Variants in CAST observed in about 807,000 individuals in gnomAD.
The protein encoded by CAST is MIR583 host.
A neutral mutation model predicts 119.6 loss-of-function variants in CAST; 76 were observed. The ratio of observed to expected loss-of-function variants is 0.64; its 90% CI spans 0.53 to 0.77. The LOEUF (loss-of-function observed/expected upper bound fraction) is 0.77. Among genes scored for constraint, CAST ranks in the 30% least tolerant of loss-of-function variants. The pLI is 0.00. For synonymous variants in CAST, 319 were observed against 331.6 expected (o/e 0.96, Z 0.41); for missense variants, 953 against 946.5 (o/e 1.01, Z -0.09).
chr5:96,770,465 G>T (rs1771868306), intron 29 of CAST, 66 bp from the exon 30 acceptor site: 1 of 950,502 alleles, frequency 1.1e-6, no homozygotes, highest in South Asian at 1.3e-5. Context: ...TAATTTAACT[G>T]CAGCCTAGTT....
the CAST span, among the ~76,000 whole-genome samples, chr5:96,271,404 C>T: frequency 6.6e-6 from 1 of 152,074 alleles, no homozygotes; most frequent in African/African-American, 2.4e-5. Context: ...CAAACAGACA[C>T]ATAGACCAAT....
chr5:96,514,546 A>C, the CAST span, among the ~76,000 whole-genome samples: 64,253 of 151,954 alleles, frequency 0.42, 13,784 homozygotes, highest in Admixed American at 0.46. Flanking sequence ...TAGTTGATCA[A>C]AACTATACTC....
At chr5:96,293,176 G>T in the CAST span, among the ~76,000 whole-genome samples, 1 of 152,202 alleles carries the variant, frequency 6.6e-6, no homozygotes, top group South Asian at 2.1e-4. Context: ...GCCCTGAGGG[G>T]AGGTTAGGGT....
chr5:96,296,470 T>A, the CAST span, among the ~76,000 whole-genome samples: 1 of 152,218 alleles, frequency 6.6e-6, no homozygotes, highest in African/African-American at 2.4e-5. Context: ...ACTTTATGGT[T>A]GTTGTCATAT....
chr5:96,491,583 A>G, the CAST span, among the ~76,000 whole-genome samples: 2 of 152,032 alleles, frequency 1.3e-5, no homozygotes, highest in South Asian at 4.2e-4. Context: ...GTGGCAATGT[A>G]AATAGAAATG....
the CAST span, among the ~76,000 whole-genome samples, chr5:96,357,834 G>T: frequency 1.3e-5 from 2 of 152,188 alleles, no homozygotes; most frequent in African/African-American, 4.8e-5. Context: ...TCAGGATGAT[G>T]CTGGCCTCAT....
the CAST span, among the ~76,000 whole-genome samples, chr5:96,337,383 A>C: frequency 6.6e-6 from 1 of 152,224 alleles, no homozygotes; most frequent in Non-Finnish European, 1.5e-5. Context: ...CTAAAGAATT[A>C]TAGGTAAAAT....
At chr5:96,134,952 A>T in the CAST span, among the ~76,000 whole-genome samples, 1 of 152,360 alleles carries the variant, frequency 6.6e-6, no homozygotes, top group Non-Finnish European at 1.5e-5. Flanking sequence ...ATGGGAGCTG[A>T]CAAGGAAAGA....
chr5:96,367,342 C>A, the CAST span, among the ~76,000 whole-genome samples: 4 of 152,276 alleles, frequency 2.6e-5, no homozygotes, highest in Admixed American at 2.6e-4. Flanking sequence ...CCACTACTCT[C>A]TTCAAAGCTG....
intron 15 of CAST, chr5:96,742,287 G>GATAC: frequency 6.0e-6 from 1 of 167,644 alleles, no homozygotes; most frequent in East Asian, 1.7e-4. Context: ...CCTTTTTAGA[G>GATAC]ATACATTTTT....
chr5:96,110,118 A>G, the CAST span, among the ~76,000 whole-genome samples: 1 of 152,174 alleles, frequency 6.6e-6, no homozygotes, highest in African/African-American at 2.4e-5. Context: ...TCCATACATT[A>G]GAGAATGGGG....
the CAST span, among the ~76,000 whole-genome samples, chr5:96,256,236 A>G: frequency 6.7e-6 from 1 of 148,372 alleles, no homozygotes; most frequent in African/African-American, 2.4e-5. Flanking sequence ...TAAACATATA[A>G]TTTATACAGT....
At chr5:96,369,360 G>T in the CAST span, among the ~76,000 whole-genome samples, 1 of 151,882 alleles carries the variant, frequency 6.6e-6, no homozygotes, top group African/African-American at 2.4e-5. Flanking sequence ...TGAAATCTTT[G>T]TTTCTTCTAA....
At chr5:96,412,622 G>A in the CAST span, 2 of 806,854 alleles carry the variant, frequency 2.5e-6, no homozygotes, top group East Asian at 2.7e-5. Flanking sequence ...CTAGATAGAT[G>A]TCCCCAATTT....
the CAST span, among the ~76,000 whole-genome samples, chr5:96,359,767 T>G: frequency 6.6e-6 from 1 of 152,228 alleles, no homozygotes; most frequent in African/African-American, 2.4e-5. Context: ...CCCTTAACAT[T>G]TTTTCCTTCA....
chr5:96,101,687 A>G, the CAST span, among the ~76,000 whole-genome samples: 1 of 152,210 alleles, frequency 6.6e-6, no homozygotes, highest in Admixed American at 6.5e-5. Flanking sequence ...ATGGTGGCTC[A>G]TGCCTGTAAT....
chr5:96,596,393 C>A (rs191830806), intron 1 of CAST, among the ~76,000 whole-genome samples: 77 of 152,230 alleles, frequency 5.1e-4, no homozygotes, highest in Non-Finnish European at 9.7e-4. Flanking sequence ...CAGATTCTCC[C>A]CTCAGAACCT....
At chr5:96,163,400 A>G in the CAST span, among the ~76,000 whole-genome samples, 1 of 152,096 alleles carries the variant, frequency 6.6e-6, no homozygotes, top group African/African-American at 2.4e-5. Flanking sequence ...CATAATTACT[A>G]TTTAGCTATT....
chr5:96,192,149 C>T, the CAST span, among the ~76,000 whole-genome samples: 1 of 152,038 alleles, frequency 6.6e-6, no homozygotes. Context: ...GAGTTAAAGT[C>T]AAGGATTAGC....
Sources: gnomAD v4.1 joint callset for allele counts (sites outside exome capture counted in the v4.1 genomes callset) on GRCh38, gnomAD v4.1.1 for gene constraint, MANE v1.5 for transcripts, NCBI Gene and HGNC (gene_info 2026-07-23, HGNC 2026-07-21) for gene names.